The following ZMYM6 variants were observed in gnomAD, a reference collection of about 807,000 sequenced individuals.
ZMYM6 encodes the protein zinc finger MYM-type containing 6.
A neutral mutation model predicts 134.0 loss-of-function variants in ZMYM6; 90 were observed. The observed-to-expected ratio is 0.67, with a 90% confidence interval of 0.57 to 0.80. ZMYM6 has a LOEUF of 0.80. Among genes scored for constraint, ZMYM6 ranks in the 30% least tolerant of loss-of-function variants. The pLI is 0.00. For missense variants in ZMYM6, 1,362 were observed against 1,533.9 expected, an observed-to-expected ratio of 0.89 and a Z score of 1.87; for synonymous variants, 481 against 524.1, an observed-to-expected ratio of 0.92 and a Z score of 1.12.
At chr1:35,008,603 T>C (rs1641028389) in intron 11 of ZMYM6, 149 bp downstream of exon 11, 1 of 691,264 alleles carries the variant, frequency 1.4e-6, no homozygotes. Context: ...TTCCTGTTTA[T>C]ATTCAATTGA....
intron 14 of ZMYM6, among the ~76,000 whole-genome samples, chr1:34,997,085 A>T (rs752534780): frequency 2.0e-5 from 3 of 152,236 alleles, no homozygotes; most frequent in Non-Finnish European, 2.9e-5. Context: ...AACAGGTTCT[A>T]CTAAATTGCC....
intron 2 of ZMYM6, among the ~76,000 whole-genome samples, chr1:35,027,606 G>A (rs141545338): frequency 6.6e-6 from 1 of 152,078 alleles, no homozygotes; most frequent in East Asian, 1.9e-4. Flanking sequence ...TGGGTGTGGT[G>A]GAGCATGTTT....
Position 35,014,995 on chromosome 1 carries a change from T to C in ZMYM6, c.596A>G (p.Asn199Ser). The change falls in exon 5 of 16, where the codon AAT becomes AGT. Residue 199 changes from asparagine to serine, a missense_variant. This residue lies in a region of ZMYM6 where 503 missense variants were observed against 520.8 expected (regional missense o/e 0.97). Transcript: ENST00000357182. ...AAGTAAAATGTAACTTACATCAGCA[T>C]TCTTCTGACACATACTGCACTTAGT... ...ISTKCSMCQK[N>S]ADTRFEVKYQ... The C allele has an allele frequency of 6.2e-7, 1 of 1,610,634 alleles. No individual in the cohort carries two copies. The highest frequency in any genetic ancestry group is 8.5e-7 in the Non-Finnish European group (1 of 1,179,300).
chr1:35,020,554 A>G, intron 2 of ZMYM6, 87 bp from the exon 3 acceptor site: 2 of 737,986 alleles, frequency 2.7e-6, no homozygotes, highest in East Asian at 7.8e-5. Flanking sequence ...AAATTATTCT[A>G]TCCTATTCAT....
At chr1:35,003,207 T>TG (rs1640911434) in intron 14 of ZMYM6, among the ~76,000 whole-genome samples, 1 of 126,812 alleles carries the variant, frequency 7.9e-6, no homozygotes, top group Non-Finnish European at 1.7e-5. Context: ...AAAAAAAGCA[T>TG]AACAGTCATC....
chr1:35,009,892 T>C (rs910787019), intron 10 of ZMYM6, among the ~76,000 whole-genome samples: 1 of 152,112 alleles, frequency 6.6e-6, no homozygotes, highest in East Asian at 1.9e-4. Flanking sequence ...GCCAAGATCA[T>C]GCCACCACAC....
At chr1:34,997,771 C>T (rs1294743056) in intron 14 of ZMYM6, among the ~76,000 whole-genome samples, 2 of 152,220 alleles carry the variant, frequency 1.3e-5, no homozygotes, top group Non-Finnish European at 2.9e-5. Flanking sequence ...GACCTCTACA[C>T]CGTTAAAATT....
intron 6 of ZMYM6, chr1:35,013,340 T>A: frequency 1.0e-6 from 1 of 973,222 alleles, no homozygotes; most frequent in South Asian, 4.8e-5. Flanking sequence ...ACCACTACAC[T>A]ATGCTGTCAG....
intron 14 of ZMYM6, among the ~76,000 whole-genome samples, chr1:34,996,891 AGTGAATGCACCATGGCCC>A (rs2148445605): frequency 6.6e-6 from 1 of 152,328 alleles, no homozygotes; most frequent in African/African-American, 2.4e-5. Context: ...AATAACTCAG[AGTGAATGCACCATGGCCC>A]TGACCACTGG....
At chr1:35,006,508 G>GTTGTTCTTTTCTCCTTGCC (rs1392453230) in intron 12 of ZMYM6, among the ~76,000 whole-genome samples, 1 of 152,108 alleles carries the variant, frequency 6.6e-6, no homozygotes, top group Non-Finnish European at 1.5e-5. Flanking sequence ...TAATTAACGT[G>GTTGTTCTTTTCTCCTTGCC]TTGTTCTTTT....
intron 10 of ZMYM6, among the ~76,000 whole-genome samples, chr1:35,010,175 A>G (rs1641059497): frequency 1.3e-5 from 2 of 151,414 alleles, no homozygotes; most frequent in African/African-American, 4.9e-5. Context: ...ATGCCCGGCT[A>G]ATTTTGTATA....
intron 14 of ZMYM6, 55 bp from the exon 15 acceptor site, chr1:34,992,442 C>A: frequency 6.4e-7 from 1 of 1,557,746 alleles, no homozygotes; most frequent in South Asian, 1.2e-5. Context: ...TACCTTATCA[C>A]TGACTATAAT....
chr1:35,014,947 C>G, intron 5 of ZMYM6, 41 bp downstream of exon 5: 1 of 1,608,748 alleles, frequency 6.2e-7, no homozygotes, highest in Non-Finnish European at 8.5e-7. Flanking sequence ...AAAAAAAAAT[C>G]TCTTTCAGCA....
At chr1:35,024,465 C>T (rs1641368838) in intron 2 of ZMYM6, among the ~76,000 whole-genome samples, 1 of 152,180 alleles carries the variant, frequency 6.6e-6, no homozygotes, top group South Asian at 2.1e-4. Context: ...AGACCTCAAA[C>T]TGCACTTAGT....
intron 14 of ZMYM6, among the ~76,000 whole-genome samples, chr1:35,002,690 G>C (rs1446677708): frequency 6.6e-6 from 1 of 152,106 alleles, no homozygotes; most frequent in Admixed American, 6.6e-5. Flanking sequence ...TAAATTAATA[G>C]CATGAGATAT....
At chr1:35,014,942 A>C in intron 5 of ZMYM6, 46 bp downstream of exon 5, 1 of 1,608,928 alleles carries the variant, frequency 6.2e-7, no homozygotes, top group East Asian at 2.2e-5. Context: ...CAGTTAAAAA[A>C]AAATCTCTTT....
rs530730778 is a variant in ZMYM6, at chr1:35,013,676, T to C, written c.795+1021A>G. 3.2e-4 allele frequency: 319 copies of C among 984,180 alleles called. 4 individuals carry two copies. The South Asian group carries it at 0.013, about 40-fold the overall frequency. The allele number at this position is 984,180 out of a possible 1,614,324, so 61.0% of individuals were successfully genotyped here. On this transcript the variant is annotated intron_variant, in intron 6 of 15. Coordinates refer to ENST00000357182, the MANE Select transcript of ZMYM6 (RefSeq NM_007167.4). ...GTTTAATTATCATTTACAAGATACA[T>C]CTTTGTTTTTTTTTTTTGTTTGTTT...
At chr1:35,016,814 G>A (rs1307750483) in intron 4 of ZMYM6, among the ~76,000 whole-genome samples, 1 of 151,968 alleles carries the variant, frequency 6.6e-6, no homozygotes, top group Non-Finnish European at 1.5e-5. Flanking sequence ...TCCAGCCTGG[G>A]CAACAGAGCA....
At chr1:35,019,057 T>C in intron 4 of ZMYM6, 1 of 516,802 alleles carries the variant, frequency 1.9e-6, no homozygotes, top group Non-Finnish European at 3.4e-6. Flanking sequence ...GTTAAATAAA[T>C]TTAAATGGTG....
Sources: allele counts gnomAD v4.1 joint callset (sites outside exome capture counted in the v4.1 genomes callset), GRCh38; gene constraint gnomAD v4.1.1; regional missense constraint gnomAD v4.1.1; transcripts MANE v1.5; gene names NCBI Gene and HGNC (gene_info 2026-07-23, HGNC 2026-07-21).